PTPRD: variants seen among roughly 807,000 people sequenced by gnomAD.
PTPRD encodes the protein protein tyrosine phosphatase receptor type D.
In PTPRD, 34 loss-of-function variants were observed where a neutral mutation model predicts 214.5. The observed-to-expected ratio is 0.16, with a 90% CI of 0.12 to 0.21. PTPRD has a LOEUF of 0.21. Among genes scored for constraint, PTPRD ranks in the 10% least tolerant of loss-of-function variants. PTPRD has a pLI of 1.00. For missense variants in PTPRD, 2,545 were observed against 2,398.7 expected (o/e 1.06, Z -1.27); for synonymous variants, 1,128 against 845.7 (o/e 1.33, Z -5.79).
chr9:9,827,246 A>T (rs2053221148), intron 5 of PTPRD, among the ~76,000 whole-genome samples: 1 of 151,922 alleles, frequency 6.6e-6, no homozygotes, highest in Non-Finnish European at 1.5e-5. Context: ...ACACTACCTG[A>T]CCTCAAACTA....
intron 3 of PTPRD, among the ~76,000 whole-genome samples, chr9:10,333,451 T>A (rs2096788480): frequency 6.6e-6 from 1 of 151,812 alleles, no homozygotes; most frequent in Non-Finnish European, 1.5e-5. Context: ...TTCAGCGATT[T>A]AATGATACAA....
chr9:10,482,311 C>T (rs1027902028), intron 2 of PTPRD, among the ~76,000 whole-genome samples: 3 of 152,156 alleles, frequency 2.0e-5, no homozygotes, highest in Middle Eastern at 3.4e-3. Context: ...GTGGAGCTTA[C>T]AGTGAGCCGA....
chr9:8,370,488 G>A lies in PTPRD; in HGVS notation c.4661+5448C>T, dbSNP rs2081215629. Among the ~76,000 whole-genome samples the A allele has an allele frequency of 2.0e-5, 3 of 152,138 alleles. No individual in the cohort carries two copies. The South Asian group carries it at 6.2e-4, about 32-fold the overall frequency. ...TTGCAAGCAAAATATACTATTTTCT[G>A]GATTAAATGACTGCTCAGTAATACT... On this transcript the variant is annotated intron_variant, in intron 39 of 45. Coordinates refer to ENST00000381196, the MANE Select transcript of PTPRD (RefSeq NM_002839.4).
intron 7 of PTPRD, among the ~76,000 whole-genome samples, chr9:9,587,319 T>A (rs2154321340): frequency 6.6e-6 from 1 of 152,122 alleles, no homozygotes; most frequent in South Asian, 2.1e-4. Context: ...TACACTAATC[T>A]ATGAAATCCT....
At chr9:9,451,097 G>C (rs1010724954) in intron 8 of PTPRD, among the ~76,000 whole-genome samples, 1 of 151,584 alleles carries the variant, frequency 6.6e-6, no homozygotes, top group African/African-American at 2.4e-5. Flanking sequence ...AAGTTGTTCA[G>C]TAAATGCCAA....
At chr9:9,259,233 GC>G (rs1442730347) in intron 9 of PTPRD, among the ~76,000 whole-genome samples, 1 of 151,892 alleles carries the variant, frequency 6.6e-6, no homozygotes, top group Non-Finnish European at 1.5e-5. Flanking sequence ...TTGTCACATA[GC>G]CCAGGGTTCT....
At chr9:8,873,322 C>A (rs772198145) in intron 11 of PTPRD, among the ~76,000 whole-genome samples, 81 of 152,250 alleles carry the variant, frequency 5.3e-4, no homozygotes, top group Non-Finnish European at 9.0e-4. Context: ...CTTAATTTTT[C>A]TTCTGAGTGA....
At chr9:9,255,525 AAG>A (rs1310138014) in intron 9 of PTPRD, among the ~76,000 whole-genome samples, 1 of 152,052 alleles carries the variant, frequency 6.6e-6, no homozygotes, top group African/African-American at 2.4e-5. Flanking sequence ...AATTCTAACA[AAG>A]AGAATGTATG....
chr9:9,108,900 G>T (rs904892693), intron 10 of PTPRD, among the ~76,000 whole-genome samples: 2 of 152,152 alleles, frequency 1.3e-5, no homozygotes, highest in African/African-American at 4.8e-5. Flanking sequence ...CTGTCATTCA[G>T]AGTTATCCTT....
chr9:10,334,019 T>C lies in PTPRD; in HGVS notation c.-545+6944A>G, dbSNP rs573328730. On this transcript the variant is annotated intron_variant, in intron 3 of 45. Transcript: ENST00000381196. ...CTTCTTAACATAAAAAATGAAATAC[T>C]AAATTTCTAAACAGGCAAGTATATA... Among the ~76,000 whole-genome samples the C allele has an allele frequency of 2.1e-4, 32 of 151,908 alleles. No individual in the cohort carries two copies. In the South Asian group the frequency reaches 4.1e-3, roughly 20 times the overall value.
intron 5 of PTPRD, among the ~76,000 whole-genome samples, chr9:9,796,018 T>A (rs529296114): frequency 1.3e-5 from 2 of 152,184 alleles, no homozygotes; most frequent in African/African-American, 4.8e-5. Context: ...TACAGAATTA[T>A]ATTAAGAAAA....
intron 6 of PTPRD, among the ~76,000 whole-genome samples, chr9:9,735,222 T>C (rs572528514): frequency 1.3e-5 from 2 of 152,094 alleles, no homozygotes; most frequent in Non-Finnish European, 2.9e-5. Context: ...TTTATAAATG[T>C]TGTCTTGTGT....
chr9:10,461,686 G>A (rs370403910), intron 2 of PTPRD, among the ~76,000 whole-genome samples: 6 of 149,836 alleles, frequency 4.0e-5, no homozygotes, highest in Admixed American at 3.3e-4. Flanking sequence ...GCAGTGGCAC[G>A]ATATCAGCTC....
chr9:8,529,002 G>A (rs111930179), intron 14 of PTPRD, among the ~76,000 whole-genome samples: 74 of 152,166 alleles, frequency 4.9e-4, no homozygotes, highest in African/African-American at 1.7e-3. Context: ...AGACGGGGCC[G>A]ACTATGATGA....
intron 9 of PTPRD, among the ~76,000 whole-genome samples, chr9:9,190,025 G>T (rs981293616): frequency 2.0e-5 from 3 of 152,066 alleles, no homozygotes; most frequent in Admixed American, 6.6e-5. Flanking sequence ...CTTTCTGAGT[G>T]AGGACAGCAT....
intron 41 of PTPRD, among the ~76,000 whole-genome samples, chr9:8,340,703 T>G (rs1588114487): frequency 6.6e-6 from 1 of 152,174 alleles, no homozygotes; most frequent in Non-Finnish European, 1.5e-5. Flanking sequence ...TCATTATTAT[T>G]TGAATTTTAG....
chr9:10,416,626 C>A (rs915871914), intron 2 of PTPRD, among the ~76,000 whole-genome samples: 5 of 151,542 alleles, frequency 3.3e-5, no homozygotes, highest in Admixed American at 1.3e-4. Context: ...TACTAGAAAA[C>A]AACTGTTGGT....
chr9:10,203,847 G>C (rs1364041917), intron 3 of PTPRD, among the ~76,000 whole-genome samples: 2 of 152,024 alleles, frequency 1.3e-5, no homozygotes, highest in Admixed American at 6.6e-5. Flanking sequence ...TAAGTTATTA[G>C]ATCACACCAT....
At chr9:8,339,574 T>A (rs1382053638) in intron 42 of PTPRD, among the ~76,000 whole-genome samples, 1 of 152,082 alleles carries the variant, frequency 6.6e-6, no homozygotes, top group East Asian at 1.9e-4. Context: ...GCAGAGTCAT[T>A]GGCCAAATCA....
Sources: gnomAD v4.1 joint callset for allele counts (sites outside exome capture counted in the v4.1 genomes callset) on GRCh38, gnomAD v4.1.1 for gene constraint, MANE v1.5 for transcripts, NCBI Gene and HGNC (gene_info 2026-07-23, HGNC 2026-07-21) for gene names.